The following PAFAH2 variants were observed in gnomAD, a reference collection of about 807,000 sequenced individuals.
The protein encoded by PAFAH2 is platelet activating factor acetylhydrolase 2, also known as platelet-activating factor acetylhydrolase 2, cytoplasmic.
Under a neutral mutation model 49.0 loss-of-function variants are expected in PAFAH2, and 42 were observed. The observed-to-expected ratio is 0.86, with a 90% confidence interval of 0.67 to 1.11. The LOEUF (loss-of-function observed/expected upper bound fraction) is 1.11. PAFAH2 is among the 50% of genes least tolerant of loss of function. The pLI is 0.00. For missense variants in PAFAH2, 503 were observed against 501.8 expected (o/e 1.00, Z -0.02); for synonymous variants, 184 against 181.3 (o/e 1.01, Z -0.12).
intron 5 of PAFAH2, 35 bp from the exon 6 acceptor site, chr1:25,984,122 A>G (rs773511180): frequency 8.7e-6 from 14 of 1,611,964 alleles, no homozygotes; most frequent in Admixed American, 8.3e-5. Flanking sequence ...GAAACCAGAA[A>G]ACATTCTTGA....
chr1:25,985,349 G>C (rs1429010680), intron 4 of PAFAH2, among the ~76,000 whole-genome samples: 1 of 152,202 alleles, frequency 6.6e-6, no homozygotes, highest in Non-Finnish European at 1.5e-5. Context: ...TCCAACTTAG[G>C]ATAGGAAACC....
chr1:25,991,482 C>T (rs1453111742), intron 1 of PAFAH2, among the ~76,000 whole-genome samples: 3 of 146,378 alleles, frequency 2.0e-5, no homozygotes, highest in African/African-American at 2.5e-5. Flanking sequence ...CGGGGTTTCG[C>T]CATGTTGGCC....
In PAFAH2 at chr1:25,974,591, G is replaced by T; in HGVS notation, c.818C>A (p.Ala273Asp). Residue 273 changes from alanine (A) to aspartate (D), a missense_variant, in exon 9 of 11, where the codon GCC becomes GAC. Ala to Asp is a moderately radical substitution (Grantham distance 126). Coordinates refer to ENST00000374282, the MANE Select transcript of PAFAH2 (RefSeq NM_000437.4). ...ATTGATAAAGAACACAGGTCCTCGG[G>T]CCTTGGGGTAAAAGTCACGTTCCAG... is the stretch of plus-strand genomic sequence containing the variant. The part of the protein sequence containing the change: ...FPLERDFYPK[A>D]RGPVFFINTE... 6.2e-7 allele frequency: 1 copy of T among 1,614,102 alleles called. No individual in the cohort carries two copies. Among genetic ancestry groups the T allele is most frequent in the Non-Finnish European group, 8.5e-7 (1 of 1,179,970 alleles).
At chr1:25,977,830 C>T (rs780924183) in intron 7 of PAFAH2, among the ~76,000 whole-genome samples, 2 of 151,968 alleles carry the variant, frequency 1.3e-5, no homozygotes, top group South Asian at 2.1e-4. Flanking sequence ...GAGGGTGAAA[C>T]GGGGATGCTC....
At chr1:25,975,278 C>A (rs1354214325) in intron 8 of PAFAH2, among the ~76,000 whole-genome samples, 1 of 151,974 alleles carries the variant, frequency 6.6e-6, no homozygotes, top group Non-Finnish European at 1.5e-5. Flanking sequence ...ATAATAGATA[C>A]ACAAATGAAA....
At chr1:25,972,437 C>A in intron 10 of PAFAH2, 121 bp downstream of exon 10, 1 of 1,118,942 alleles carries the variant, frequency 8.9e-7, no homozygotes. Context: ...CTCCTTCACT[C>A]AGGTTTTCCA....
rs113532007 is a variant in PAFAH2, at chr1:25,991,319, T to A, written c.-47-456A>T. ...TTTTTTGAGACGGAGTCTCGCTCTG[T>A]TGCTAGGCTGGAGTGCAGTGGCATG... is the stretch of plus-strand genomic sequence containing the variant. On this transcript the variant is annotated intron_variant, in intron 1 of 10. Coordinates refer to ENST00000374282, the MANE Select transcript of PAFAH2 (RefSeq NM_000437.4). 2.0e-3 allele frequency among the ~76,000 whole-genome samples: 304 copies of A among 152,132 alleles called. 1 individual carries two copies. Among genetic ancestry groups the A allele is most frequent in the African/African-American group, 7.1e-3 (296 of 41,530 alleles).
At chr1:25,988,130 A>T in intron 4 of PAFAH2, 101 bp downstream of exon 4, 1 of 724,844 alleles carries the variant, frequency 1.4e-6, no homozygotes, top group Non-Finnish European at 2.3e-6. Flanking sequence ...GACAGCTAGC[A>T]GATGGAAATG....
At chr1:25,995,637 C>T (rs546318617) in intron 1 of PAFAH2, among the ~76,000 whole-genome samples, 113 of 152,304 alleles carry the variant, frequency 7.4e-4, no homozygotes, top group African/African-American at 2.1e-3. Flanking sequence ...TTGCTATAAT[C>T]CCCATGGCCA....
chr1:25,988,165 A>C (rs1231600025), intron 4 of PAFAH2, 66 bp downstream of exon 4: 1 of 1,013,958 alleles, frequency 9.9e-7, no homozygotes, highest in African/African-American at 1.7e-5. Flanking sequence ...TTTGAGAATA[A>C]GCTAAGACTC....
intron 4 of PAFAH2, among the ~76,000 whole-genome samples, chr1:25,985,487 T>A (rs3767929): frequency 0.54 from 82,649 of 152,118 alleles, 25,313 homozygotes; most frequent in East Asian, 0.7. Flanking sequence ...GAGAGTATTT[T>A]TAACTGCCTC....
Position 25,976,732 on chromosome 1 carries a change from T to G in PAFAH2, c.708A>C (p.Ser236=). 1 of 1,614,196 alleles carries G rather than the reference T, an allele frequency of 6.2e-7. No individual in the cohort carries two copies. Among genetic ancestry groups the G allele is most frequent in the Non-Finnish European group, 8.5e-7 (1 of 1,180,034 alleles). ...DMSRVAVMGH[S]FGGATAILAL... is the part of the protein sequence containing the mutation. ...CCAGAATAGCTGTGGCCCCTCCAAA[T>G]GAATGTCCCATCACAGCCACACGGC... The change falls in exon 8 of 11, where the codon TCA becomes TCC. Residue 236 remains serine (S), a synonymous_variant. Coordinates refer to ENST00000374282, the MANE Select transcript of PAFAH2 (RefSeq NM_000437.4).
intron 4 of PAFAH2, 148 bp from the exon 5 acceptor site, chr1:25,984,676 A>T: frequency 1.6e-6 from 1 of 624,714 alleles, no homozygotes; most frequent in Non-Finnish European, 2.9e-6. Flanking sequence ...CACTTGAGAG[A>T]GAAATAAACA....
chr1:25,992,391 C>T (rs536815372), intron 1 of PAFAH2, among the ~76,000 whole-genome samples: 1 of 152,254 alleles, frequency 6.6e-6, no homozygotes, highest in East Asian at 1.9e-4. Flanking sequence ...CAAACAGATG[C>T]TTTCAGCATG....
rs147730282 is a variant in PAFAH2, at chr1:25,984,461, T to C, written c.409A>G (p.Arg137Gly). ...RGFVVAVPEH[R>G]DRSAATTYFC... ...AATCCATGGCGGCTCATCCCTCACCTGTGCTCTGGCACAGCAACCACAAAG... is the reference window on the plus strand; with the variant it reads ...AATCCATGGCGGCTCATCCCTCACCCGTGCTCTGGCACAGCAACCACAAAG... Residue 137 changes from arginine (R) to glycine (G), a missense_variant and splice_region_variant, in exon 5 of 11, where the codon AGG becomes GGG. Coordinates refer to ENST00000374282, the MANE Select transcript of PAFAH2 (RefSeq NM_000437.4). 6 of 1,612,718 alleles carry C rather than the reference T, an allele frequency of 3.7e-6. No individual in the cohort carries two copies. The highest frequency in any genetic ancestry group is 5.1e-6 in the Non-Finnish European group (6 of 1,179,068).
chr1:25,978,054 T>C (rs1310943046), intron 7 of PAFAH2, among the ~76,000 whole-genome samples: 1 of 152,216 alleles, frequency 6.6e-6, no homozygotes, highest in African/African-American at 2.4e-5. Context: ...TAAGGGGCTC[T>C]GGAGGCCTCT....
chr1:25,975,154 T>C (rs1023382284), intron 8 of PAFAH2, among the ~76,000 whole-genome samples: 1 of 152,192 alleles, frequency 6.6e-6, no homozygotes, highest in Non-Finnish European at 1.5e-5. Context: ...AGCAAAACCA[T>C]GTCACCAAGA....
At chr1:25,996,008 T>C (rs1328240151) in intron 1 of PAFAH2, among the ~76,000 whole-genome samples, 1 of 152,212 alleles carries the variant, frequency 6.6e-6, no homozygotes, top group African/African-American at 2.4e-5. Flanking sequence ...AGCTGTGTGA[T>C]CTTGAACAAG....
chr1:25,990,825 C>T lies in PAFAH2; in HGVS notation c.-9G>A, dbSNP rs201188699. The T allele has an allele frequency of 3.6e-5, 58 of 1,612,350 alleles. No individual in the cohort carries two copies. The African/African-American group carries it at 6.8e-4, about 19-fold the overall frequency. On this transcript the variant is annotated 5_prime_UTR_variant, in exon 2 of 11. Transcript: ENST00000374282. ...GACTGGTTGACCCCCATTTCATCAC[C>T]GGGTGAATCAAATGACTTGCCGGAG...
Sources: gnomAD v4.1 joint callset for allele counts (sites outside exome capture counted in the v4.1 genomes callset) on GRCh38, gnomAD v4.1.1 for gene constraint, MANE v1.5 for transcripts, NCBI Gene and HGNC (gene_info 2026-07-23, HGNC 2026-07-21) for gene names.